Variants in MACROD2 observed in about 807,000 individuals in gnomAD.
The protein encoded by MACROD2 is ADP-ribose glycohydrolase MACROD2.
Under a neutral mutation model 70.4 loss-of-function variants are expected in MACROD2, and 36 were observed. The ratio of observed to expected loss-of-function variants is 0.51; its 90% CI spans 0.39 to 0.68. MACROD2 has a LOEUF of 0.68. Among genes scored for constraint, MACROD2 ranks in the 30% least tolerant of loss-of-function variants. MACROD2 has a pLI of 0.00. For synonymous variants in MACROD2, 172 were observed against 178.8 expected (o/e 0.96, Z 0.30); for missense variants, 496 against 538.4 (o/e 0.92, Z 0.78).
chr20:15,515,462 G>T (rs2047554897), intron 8 of MACROD2, among the ~76,000 whole-genome samples: 1 of 152,138 alleles, frequency 6.6e-6, no homozygotes, highest in East Asian at 1.9e-4. Flanking sequence ...TGCATCTTTG[G>T]TGAATTTTTC....
At chr20:15,139,075 CTT>C (rs1354800286) in intron 5 of MACROD2, among the ~76,000 whole-genome samples, 1 of 152,138 alleles carries the variant, frequency 6.6e-6, no homozygotes, top group Non-Finnish European at 1.5e-5. Flanking sequence ...GGTTTAATGT[CTT>C]TGCCATTTGG....
chr20:15,598,709 A>G (rs866097570), intron 8 of MACROD2, among the ~76,000 whole-genome samples: 2 of 152,216 alleles, frequency 1.3e-5, no homozygotes, highest in Admixed American at 6.5e-5. Flanking sequence ...GGGCCTGACA[A>G]AAATTATTTC....
chr20:14,218,505 A>G (rs1170703463), intron 3 of MACROD2, among the ~76,000 whole-genome samples: 1 of 152,212 alleles, frequency 6.6e-6, no homozygotes, highest in East Asian at 1.9e-4. Context: ...GGCCATTTAC[A>G]TTCAATGTTA....
At chr20:15,172,194 CA>C (rs2076427700) in intron 5 of MACROD2, among the ~76,000 whole-genome samples, 1 of 151,734 alleles carries the variant, frequency 6.6e-6, no homozygotes, top group Non-Finnish European at 1.5e-5. Context: ...AAAATGTGTA[CA>C]ACAGTGGAGG....
chr20:14,671,848 T>G (rs1162342467), intron 4 of MACROD2, among the ~76,000 whole-genome samples: 3 of 152,230 alleles, frequency 2.0e-5, no homozygotes, highest in African/African-American at 7.2e-5. Flanking sequence ...TTAGAGATGT[T>G]TCTTCTGCTC....
At chr20:15,414,155 G>T (rs908185455) in intron 6 of MACROD2, among the ~76,000 whole-genome samples, 2 of 152,038 alleles carry the variant, frequency 1.3e-5, no homozygotes, top group Admixed American at 6.6e-5. Flanking sequence ...CCTGTAATTT[G>T]CAGCATAGGA....
intron 5 of MACROD2, among the ~76,000 whole-genome samples, chr20:15,006,576 A>G (rs1031500524): frequency 2.0e-5 from 3 of 152,198 alleles, no homozygotes; most frequent in African/African-American, 7.2e-5. Flanking sequence ...ATGTATATGT[A>G]TATCAAAACT....
At chr20:15,976,816 A>G (rs2066313058) in intron 13 of MACROD2, among the ~76,000 whole-genome samples, 1 of 152,264 alleles carries the variant, frequency 6.6e-6, no homozygotes, top group African/African-American at 2.4e-5. Flanking sequence ...GATCAAGAGT[A>G]GAGACAGGTT....
rs1018268457 is a variant in MACROD2, at chr20:14,949,193, A to AT, written c.418+264242dup. On this transcript the variant is annotated intron_variant, in intron 5 of 17. Coordinates refer to ENST00000684519, the MANE Select transcript of MACROD2 (RefSeq NM_001351661.2). ...AAATGTTCACTTTAGTTTCAGAAAG[A>AT]TTTTTTTTCTTTGTAGAACAAAAAT... Among the ~76,000 whole-genome samples the AT allele has an allele frequency of 7.9e-5, 12 of 152,154 alleles. 1 individual carries two copies. The highest frequency in any genetic ancestry group is 2.6e-4 in the African/African-American group (11 of 41,526).
intron 6 of MACROD2, among the ~76,000 whole-genome samples, chr20:15,381,695 G>A (rs1345966880): frequency 6.6e-6 from 1 of 151,976 alleles, no homozygotes; most frequent in Non-Finnish European, 1.5e-5. Flanking sequence ...AATCTAAAAG[G>A]TGACAGATAG....
intron 5 of MACROD2, among the ~76,000 whole-genome samples, chr20:14,913,024 G>A (rs2074046951): frequency 1.3e-5 from 2 of 152,108 alleles, no homozygotes; most frequent in Non-Finnish European, 2.9e-5. Context: ...GCCCTGTTCA[G>A]TTAGGAATAA....
At chr20:15,839,027 T>G (rs2064143846) in intron 8 of MACROD2, among the ~76,000 whole-genome samples, 1 of 152,136 alleles carries the variant, frequency 6.6e-6, no homozygotes, top group African/African-American at 2.4e-5. Context: ...TGCACTGTCT[T>G]TTGCCCAAAT....
chr20:14,909,727 C>T (rs2074003133), intron 5 of MACROD2, among the ~76,000 whole-genome samples: 1 of 151,996 alleles, frequency 6.6e-6, no homozygotes, highest in Non-Finnish European at 1.5e-5. Context: ...CCTGCCACTG[C>T]TTCTACCTAT....
intron 3 of MACROD2, among the ~76,000 whole-genome samples, chr20:14,107,567 G>T (rs1036978567): frequency 6.6e-6 from 1 of 151,958 alleles, no homozygotes; most frequent in Admixed American, 6.6e-5. Flanking sequence ...TAACAAAAAA[G>T]ACTACCTCAA....
At chr20:14,559,042 A>G (rs1366831862) in intron 4 of MACROD2, among the ~76,000 whole-genome samples, 2 of 151,782 alleles carry the variant, frequency 1.3e-5, no homozygotes, top group African/African-American at 4.8e-5. Context: ...TCTTGATACC[A>G]TATTTGTTCT....
At chr20:14,938,940 A>ATTTTTTTTTTTTTTTTTTTTT (rs1230863391) in intron 5 of MACROD2, among the ~76,000 whole-genome samples, 8 of 86,454 alleles carry the variant, frequency 9.3e-5, no homozygotes, top group African/African-American at 1.7e-4. Flanking sequence ...GTTAAATCAG[A>ATTTTTTTTTTTTTTTTTTTTT]TTTTTTTTTT....
intron 6 of MACROD2, among the ~76,000 whole-genome samples, chr20:15,274,833 A>T: frequency 6.6e-6 from 1 of 152,176 alleles, no homozygotes; most frequent in East Asian, 1.9e-4. Context: ...ACAAATTGAG[A>T]ATGTTCTGAG....
intron 4 of MACROD2, among the ~76,000 whole-genome samples, chr20:14,641,707 A>G (rs925672705): frequency 2.0e-5 from 3 of 152,174 alleles, no homozygotes; most frequent in Non-Finnish European, 4.4e-5. Flanking sequence ...TGTTTTGAAA[A>G]AAATCTTTTT....
intron 6 of MACROD2, among the ~76,000 whole-genome samples, chr20:15,243,919 C>T (rs2077083032): frequency 6.6e-6 from 1 of 151,748 alleles, no homozygotes; most frequent in South Asian, 2.1e-4. Context: ...GAGCGAGACT[C>T]CATCTCAAAA....
Sources: gnomAD v4.1 joint callset for allele counts (sites outside exome capture counted in the v4.1 genomes callset) on GRCh38, gnomAD v4.1.1 for gene constraint, MANE v1.5 for transcripts, NCBI Gene and HGNC (gene_info 2026-07-23, HGNC 2026-07-21) for gene names.